The following SIPA1L3 variants were observed in gnomAD, a reference collection of about 807,000 sequenced individuals.
SIPA1L3 encodes the protein signal induced proliferation associated 1 like 3.
Under a neutral mutation model 150.1 loss-of-function variants are expected in SIPA1L3, and 59 were observed. The observed-to-expected ratio is 0.39, with a 90% CI of 0.32 to 0.49. The LOEUF is 0.49. SIPA1L3 is among the 20% of genes least tolerant of loss of function. The pLI, the probability that SIPA1L3 is intolerant of heterozygous loss-of-function variation, is 0.86. For synonymous variants in SIPA1L3, 1,070 were observed against 1,077.6 expected (o/e 0.99, Z 0.14); for missense variants, 2,211 against 2,489.5 (o/e 0.89, Z 2.38).
intron 1 of SIPA1L3, among the ~76,000 whole-genome samples, chr19:37,930,865 G>A (rs1442420190): frequency 7.5e-6 from 1 of 132,524 alleles, no homozygotes; most frequent in Non-Finnish European, 1.6e-5. Context: ...ACCCAAAGCA[G>A]CACTCATACA....
chr19:38,099,698 A>G lies in SIPA1L3; in HGVS notation c.1666-264A>G, dbSNP rs937586888. Among the ~76,000 whole-genome samples, 3 of 151,950 alleles carry G rather than the reference A, an allele frequency of 2.0e-5. No individual in the cohort carries two copies. The South Asian group carries it at 6.2e-4, about 31-fold the overall frequency. ...TATTGTCTCATTTAATCCTCCCAAC[A>G]CCCCTTCAAGGTTACGATACCATCC... On this transcript the variant is annotated intron_variant, in intron 4 of 21. Coordinates refer to ENST00000222345, the MANE Select transcript of SIPA1L3 (RefSeq NM_015073.3).
At chr19:37,986,212 C>A (rs1305453632) in intron 1 of SIPA1L3, among the ~76,000 whole-genome samples, 1 of 152,228 alleles carries the variant, frequency 6.6e-6, no homozygotes, top group African/African-American at 2.4e-5. Flanking sequence ...CCGGCTTCCC[C>A]ACTTACACCT....
At chr19:38,185,218 C>G (rs1337725359) in intron 16 of SIPA1L3, 1 of 152,294 alleles carries the variant, frequency 6.6e-6, no homozygotes, top group African/African-American at 2.4e-5. Context: ...CCATGGGAAA[C>G]AGGTGCCACC....
chr19:38,007,451 CAA>C (rs1302582305), intron 1 of SIPA1L3, among the ~76,000 whole-genome samples: 4 of 23,858 alleles, frequency 1.7e-4, no homozygotes, highest in Non-Finnish European at 2.1e-4. Flanking sequence ...AACTCTGTCT[CAA>C]AAAAAAAAAA....
chr19:38,101,280 C>A, intron 6 of SIPA1L3, 54 bp downstream of exon 6: 2 of 1,318,350 alleles, frequency 1.5e-6, no homozygotes, highest in South Asian at 1.8e-5. Context: ...TCCTACTCAA[C>A]AGGCAAAGCT....
At chr19:38,019,364 G>A (rs1968315107) in intron 1 of SIPA1L3, among the ~76,000 whole-genome samples, 1 of 152,206 alleles carries the variant, frequency 6.6e-6, no homozygotes, top group African/African-American at 2.4e-5. Context: ...CAGTGTGACT[G>A]CTGGAGTCAA....
At chr19:38,174,633 T>C (rs1471207077) in intron 15 of SIPA1L3, among the ~76,000 whole-genome samples, 1 of 151,984 alleles carries the variant, frequency 6.6e-6, no homozygotes, top group Admixed American at 6.6e-5. Context: ...GCGGATCACC[T>C]GAGGTCAGGA....
rs915659260 is a variant in SIPA1L3, at chr19:38,027,419, G to T, written c.-378-1670G>T. Among the ~76,000 whole-genome samples the T allele has an allele frequency of 5.3e-5, 8 of 152,166 alleles. No individual in the cohort carries two copies. The South Asian group carries it at 1.7e-3, about 32-fold the overall frequency. ...CCCCAGGGGAATGATCATTGAAGTT[G>T]TCCTGATTCCTGGACCCTGGGGTGT... On this transcript the variant is annotated intron_variant, in intron 1 of 21. Coordinates refer to ENST00000222345, the MANE Select transcript of SIPA1L3 (RefSeq NM_015073.3).
chr19:37,916,005 T>C (rs1454659508), intron 1 of SIPA1L3, among the ~76,000 whole-genome samples: 1 of 150,562 alleles, frequency 6.6e-6, no homozygotes, highest in Non-Finnish European at 1.5e-5. Context: ...CTGGGCAACA[T>C]AGACCCCAAC....
At chr19:37,945,867 A>G (rs1009700335) in intron 1 of SIPA1L3, among the ~76,000 whole-genome samples, 7 of 151,994 alleles carry the variant, frequency 4.6e-5, no homozygotes, top group African/African-American at 1.7e-4. Flanking sequence ...ATTTTTAAAG[A>G]CTTGTGGCTG....
Position 38,206,387 on chromosome 19 carries a change from A to C in SIPA1L3, c.*147A>C. The C allele has an allele frequency of 2.1e-6, 2 of 968,156 alleles. No homozygotes were observed. Among genetic ancestry groups the C allele is most frequent in the South Asian group, 3.6e-5 (2 of 56,242 alleles). The allele number at this position is 968,156 out of a possible 1,614,324, so 60.0% of individuals were successfully genotyped here. On this transcript the variant is annotated 3_prime_UTR_variant, in exon 22 of 22. Transcript: ENST00000222345. Reference sequence around the variant, plus strand: ...TGGACACGGAAACTCCGATGGCCTCACTAGGGCTGTGAGTCAGGGTCAGCG... The same window carrying C: ...TGGACACGGAAACTCCGATGGCCTCCCTAGGGCTGTGAGTCAGGGTCAGCG...
At chr19:37,940,415 A>G (rs2046643740) in intron 1 of SIPA1L3, among the ~76,000 whole-genome samples, 1 of 152,234 alleles carries the variant, frequency 6.6e-6, no homozygotes, top group Non-Finnish European at 1.5e-5. Context: ...ATAGTTGAGT[A>G]TCTGCAAGAT....
At chr19:37,997,931 T>C (rs1358814650) in intron 1 of SIPA1L3, among the ~76,000 whole-genome samples, 2 of 150,712 alleles carry the variant, frequency 1.3e-5, no homozygotes, top group African/African-American at 2.4e-5. Flanking sequence ...AGAGCACTGG[T>C]CTCCCAATTG....
At chr19:38,148,121 G>A (rs1971739773) in intron 12 of SIPA1L3, among the ~76,000 whole-genome samples, 2 of 152,038 alleles carry the variant, frequency 1.3e-5, no homozygotes, top group Admixed American at 6.6e-5. Context: ...GGGAGGCTGA[G>A]GCGGGTGGAT....
intron 1 of SIPA1L3, among the ~76,000 whole-genome samples, chr19:37,932,867 C>T (rs868628628): frequency 3.9e-5 from 6 of 151,912 alleles, no homozygotes; most frequent in African/African-American, 1.2e-4. Flanking sequence ...CGGGTGTTGA[C>T]GGACTGAGAA....
intron 12 of SIPA1L3, among the ~76,000 whole-genome samples, chr19:38,152,083 G>A (rs1436131202): frequency 6.6e-6 from 1 of 152,010 alleles, no homozygotes; most frequent in Non-Finnish European, 1.5e-5. Context: ...CTGGCCTCCA[G>A]GAGGACCTCT....
chr19:38,142,558 C>G lies in SIPA1L3; in HGVS notation c.3396-15C>G. ...TACTCACCCTCTGCCTCCTTCCTCCCCTGTCTCCTTCTAGGCCTGTCAGCT... is the reference window on the plus strand; with the variant it reads ...TACTCACCCTCTGCCTCCTTCCTCCGCTGTCTCCTTCTAGGCCTGTCAGCT... On this transcript the variant is annotated splice_polypyrimidine_tract_variant and intron_variant, in intron 11 of 21. Transcript: ENST00000222345. 6.3e-7 allele frequency: 1 copy of G among 1,598,198 alleles called. No homozygotes were observed. Among genetic ancestry groups the G allele is most frequent in the Non-Finnish European group, 8.6e-7 (1 of 1,168,430 alleles).
chr19:37,983,739 GT>G (rs1437052259), intron 1 of SIPA1L3, among the ~76,000 whole-genome samples: 4 of 151,678 alleles, frequency 2.6e-5, no homozygotes, highest in Non-Finnish European at 4.4e-5. Flanking sequence ...AACCCCGTCT[GT>G]ACAAAAAACA....
rs755397510 is a variant in SIPA1L3 at position 38,081,552 on chromosome 19, A to C, written c.-14A>C. ...CAGCGTACGGGGCCAGCAGCACTCC[A>C]GTGCCCGTGGACTATGACCACCTAT... is the stretch of plus-strand genomic sequence containing the variant. On this transcript the variant is annotated 5_prime_UTR_variant, in exon 3 of 22. Coordinates refer to ENST00000222345, the MANE Select transcript of SIPA1L3 (RefSeq NM_015073.3). 6.4e-6 allele frequency: 10 copies of C among 1,562,256 alleles called. No individual in the cohort carries two copies. The highest frequency in any genetic ancestry group is 8.7e-6 in the Non-Finnish European group (10 of 1,150,540).
Sources: gnomAD v4.1 joint callset for allele counts (sites outside exome capture counted in the v4.1 genomes callset) on GRCh38, gnomAD v4.1.1 for gene constraint, MANE v1.5 for transcripts, NCBI Gene and HGNC (gene_info 2026-07-23, HGNC 2026-07-21) for gene names.